ADGRL3: variants seen among roughly 807,000 people sequenced by gnomAD.
ADGRL3 encodes the protein adhesion G protein-coupled receptor L3, also known as calcium-independent alpha-latrotoxin receptor 3.
A neutral mutation model predicts 153.5 loss-of-function variants in ADGRL3; 62 were observed. That is an observed-to-expected ratio of 0.40 (90% CI 0.33 to 0.50). The LOEUF is 0.50. Among genes scored for constraint, ADGRL3 ranks in the 20% least tolerant of loss-of-function variants. The pLI, the probability that ADGRL3 is intolerant of heterozygous loss-of-function variation, is 0.47. For missense variants in ADGRL3, 1,641 were observed against 1,859.4 expected (o/e 0.88, Z 2.16); for synonymous variants, 710 against 672.5 (o/e 1.06, Z -0.86).
Position 62,028,873 on chromosome 4 carries a change from C to A in ADGRL3, c.3414C>A (p.Pro1138=). The A allele has an allele frequency of 4.4e-6, 7 of 1,605,592 alleles. No homozygotes were observed. The highest frequency in any genetic ancestry group is 6.0e-6 in the Non-Finnish European group (7 of 1,175,334). The change falls in exon 22 of 27, where the codon CCC becomes CCA. Residue 1138 remains proline (P), a synonymous_variant. Transcript: ENST00000683033. Reference sequence around the variant, plus strand: ...TCTTTAGCTATGAGGATAACAGACCCTTCATCAAGTAAGAATGACCTGAAT... The same window carrying A: ...TCTTTAGCTATGAGGATAACAGACCATTCATCAAGTAAGAATGACCTGAAT... ...LDNINYEDNR[P]FIKSWVIGAI... is the part of the protein sequence containing the mutation.
intron 8 of ADGRL3, among the ~76,000 whole-genome samples, chr4:61,772,447 A>C (rs2097097454): frequency 6.6e-6 from 1 of 152,214 alleles, no homozygotes; most frequent in African/African-American, 2.4e-5. Context: ...CTCTGTAACC[A>C]AAGACATTAA....
chr4:61,211,223 T>C (rs1739863567), intron 1 of ADGRL3, among the ~76,000 whole-genome samples: 1 of 152,210 alleles, frequency 6.6e-6, no homozygotes, highest in Admixed American at 6.5e-5. Flanking sequence ...ATTGTGTTTC[T>C]CACCTAAAGA....
chr4:61,909,628 T>G lies in ADGRL3; in HGVS notation c.1956T>G (p.Asn652Lys). The G allele has an allele frequency of 6.2e-7, 1 of 1,613,536 alleles. No individual in the cohort carries two copies. Among genetic ancestry groups the G allele is most frequent in the Non-Finnish European group, 8.5e-7 (1 of 1,179,762 alleles). Residue 652 changes from asparagine (N) to lysine (K), a missense_variant, in exon 12 of 27, where the codon AAT becomes AAG. Around this residue, in one of 5 missense-constraint regions of ADGRL3, gnomAD observed 734 missense variants for 797.0 expected, o/e 0.92. Transcript: ENST00000683033. ...CTGAACAGACAAGAAATCACTTGAA[T>G]GCTGGGGACATCACCTACTCTGTCC... The part of the protein sequence containing the change: ...ELAEQTRNHL[N>K]AGDITYSVRA...
intron 21 of ADGRL3, among the ~76,000 whole-genome samples, chr4:62,004,749 C>T (rs528505255): frequency 1.3e-5 from 2 of 152,096 alleles, no homozygotes; most frequent in South Asian, 4.1e-4. Context: ...TGTACTTCTC[C>T]ATGCCCATGT....
intron 9 of ADGRL3, among the ~76,000 whole-genome samples, 161 bp downstream of exon 9, chr4:61,814,050 A>T (rs1270619085): frequency 6.6e-6 from 1 of 152,208 alleles, no homozygotes; most frequent in African/African-American, 2.4e-5. Context: ...TCATTTATAA[A>T]CAAAAATGTG....
intron 9 of ADGRL3, among the ~76,000 whole-genome samples, chr4:61,891,700 A>C (rs2098587598): frequency 6.6e-6 from 1 of 152,166 alleles, no homozygotes; most frequent in Non-Finnish European, 1.5e-5. Context: ...ATCTTGAATC[A>C]GACTAGAGCC....
chr4:61,839,353 G>A (rs758968574), intron 9 of ADGRL3, among the ~76,000 whole-genome samples: 1 of 151,736 alleles, frequency 6.6e-6, no homozygotes, highest in Non-Finnish European at 1.5e-5. Context: ...ACCATGCCCA[G>A]CTAATTTTTT....
rs1459896776 is a variant in ADGRL3, at chr4:61,612,077, G to A, written c.473+24637G>A. Among the ~76,000 whole-genome samples, 15 of 152,130 alleles carry A rather than the reference G, an allele frequency of 9.9e-5. No individual in the cohort carries two copies. In the East Asian group the frequency reaches 2.7e-3, roughly 27 times the overall value. On this transcript the variant is annotated intron_variant, in intron 5 of 26. Coordinates refer to ENST00000683033, the MANE Select transcript of ADGRL3 (RefSeq NM_001387552.1). ...AGAATAAAGTTGAAAACATAAAATA[G>A]GACTTGCTTAATTTTTCTATTGGAA...
intron 1 of ADGRL3, among the ~76,000 whole-genome samples, chr4:61,318,280 C>A (rs1389415466): frequency 6.6e-6 from 1 of 150,536 alleles, no homozygotes; most frequent in African/African-American, 2.4e-5. Context: ...ATGAATGATT[C>A]TGGAAATAGT....
At chr4:61,746,612 G>A (rs1480303321) in intron 8 of ADGRL3, among the ~76,000 whole-genome samples, 1 of 152,086 alleles carries the variant, frequency 6.6e-6, no homozygotes, top group Non-Finnish European at 1.5e-5. Context: ...TGACTACTGG[G>A]TACATAACGA....
intron 6 of ADGRL3, among the ~76,000 whole-genome samples, chr4:61,729,381 T>C (rs544802398): frequency 6.6e-6 from 1 of 152,052 alleles, no homozygotes; most frequent in African/African-American, 2.4e-5. Context: ...ATATTGAGGC[T>C]TCAAAAAAGT....
rs1349414035 is a variant in ADGRL3 at position 62,075,955 on chromosome 4, T to C, written c.*5047T>C. ...ATTAGGCCATAAGAAGAAACTTTCC[T>C]ATTTACTAATTAACACTGATTACAC... On this transcript the variant is annotated 3_prime_UTR_variant, in exon 27 of 27. Coordinates refer to ENST00000683033, the MANE Select transcript of ADGRL3 (RefSeq NM_001387552.1). The C allele has an allele frequency of 2.0e-5, 3 of 152,168 alleles. No homozygotes were observed. Among genetic ancestry groups the C allele is most frequent in the Non-Finnish European group, 4.4e-5 (3 of 68,000 alleles). The allele number at this position is 152,168 out of a possible 1,614,324, so 9.4% of individuals were successfully genotyped here.
chr4:61,505,831 A>C (rs1192819696), intron 3 of ADGRL3, among the ~76,000 whole-genome samples: 4 of 152,074 alleles, frequency 2.6e-5, no homozygotes, highest in African/African-American at 9.7e-5. Context: ...TAATAAAAAA[A>C]AAACAAACAA....
chr4:61,584,773 C>A, intron 4 of ADGRL3, among the ~76,000 whole-genome samples: 1 of 151,912 alleles, frequency 6.6e-6, no homozygotes, highest in African/African-American at 2.4e-5. Flanking sequence ...TTTGTGAAAA[C>A]AAAAACAAAA....
At chr4:62,059,395 C>G (rs530804273) in intron 25 of ADGRL3, among the ~76,000 whole-genome samples, 15 of 152,012 alleles carry the variant, frequency 9.9e-5, no homozygotes, top group African/African-American at 3.6e-4. Flanking sequence ...TTATAACCCT[C>G]CATTTGTAGA....
intron 18 of ADGRL3, among the ~76,000 whole-genome samples, chr4:61,980,809 TC>T (rs1254076381): frequency 1.3e-5 from 2 of 152,174 alleles, no homozygotes; most frequent in Non-Finnish European, 2.9e-5. Context: ...ATAGCTTATT[TC>T]TTTTTAGTGC....
chr4:61,313,441 C>T (rs561164742), intron 1 of ADGRL3, among the ~76,000 whole-genome samples: 11 of 152,172 alleles, frequency 7.2e-5, no homozygotes, highest in African/African-American at 2.2e-4. Flanking sequence ...AAATGTACCA[C>T]AGGAATGAAA....
chr4:61,646,755 G>T (rs1348040716), intron 5 of ADGRL3, among the ~76,000 whole-genome samples: 3 of 152,158 alleles, frequency 2.0e-5, no homozygotes, highest in Non-Finnish European at 4.4e-5. Flanking sequence ...GCCCCCAGAG[G>T]TGGAGCCTAC....
chr4:61,776,745 C>G (rs909573736), intron 8 of ADGRL3, among the ~76,000 whole-genome samples: 1 of 152,108 alleles, frequency 6.6e-6, no homozygotes, highest in African/African-American at 2.4e-5. Flanking sequence ...ATGAAATCCT[C>G]TGTATTAAGA....
Sources: allele counts gnomAD v4.1 joint callset (sites outside exome capture counted in the v4.1 genomes callset), GRCh38; gene constraint gnomAD v4.1.1; regional missense constraint gnomAD v4.1.1; transcripts MANE v1.5; gene names NCBI Gene and HGNC (gene_info 2026-07-23, HGNC 2026-07-21).